The following HS6ST3 variants were observed in gnomAD, a reference collection of about 807,000 sequenced individuals.
HS6ST3 encodes the protein heparan-sulfate 6-O-sulfotransferase 3.
Under a neutral mutation model 36.7 loss-of-function variants are expected in HS6ST3, and 12 were observed. The observed-to-expected ratio is 0.33, with a 90% CI of 0.21 to 0.53. HS6ST3 has a LOEUF of 0.53. HS6ST3 is among the 20% of genes least tolerant of loss of function. The probability of loss-of-function intolerance (pLI) is 0.95; values close to 1 mark genes in which losing one functional copy is unlikely to be tolerated. For synonymous variants in HS6ST3, 240 were observed against 257.5 expected (o/e 0.93, Z 0.65); for missense variants, 584 against 640.9 (o/e 0.91, Z 0.96).
chr13:96,369,477 T>C (rs905484141), intron 1 of HS6ST3, among the ~76,000 whole-genome samples: 3 of 152,194 alleles, frequency 2.0e-5, no homozygotes, highest in Non-Finnish European at 4.4e-5. Flanking sequence ...TCCCACAATA[T>C]CACCATGTTT....
At chr13:96,151,231 C>T (rs556462407) in intron 1 of HS6ST3, among the ~76,000 whole-genome samples, 88 of 152,182 alleles carry the variant, frequency 5.8e-4, no homozygotes, top group South Asian at 1.2e-3. Flanking sequence ...TGGTGAAACC[C>T]CATCCCTACT....
At chr13:96,283,444 T>G (rs1421168133) in intron 1 of HS6ST3, among the ~76,000 whole-genome samples, 1 of 152,192 alleles carries the variant, frequency 6.6e-6, no homozygotes, top group Non-Finnish European at 1.5e-5. Context: ...GTATGTAACA[T>G]CATCCTAACA....
rs547202722 is a variant in HS6ST3 at position 96,796,049 on chromosome 13, A to G, written c.708-36441A>G. Among the ~76,000 whole-genome samples the G allele has an allele frequency of 2.0e-5, 3 of 152,256 alleles. No homozygotes were observed. In the East Asian group the frequency reaches 5.8e-4, roughly 29 times the overall value. On this transcript the variant is annotated intron_variant, in intron 1 of 1. Coordinates refer to ENST00000376705, the MANE Select transcript of HS6ST3 (RefSeq NM_153456.4). ...CATCATAGTCCTTGATGTCACCATT[A>G]GTATTGATAGAAGATCTGTTTCCAA...
intron 1 of HS6ST3, among the ~76,000 whole-genome samples, chr13:96,127,493 C>T (rs74665802): frequency 0.012 from 1,817 of 152,328 alleles, 40 homozygotes; most frequent in African/African-American, 0.041. Flanking sequence ...GCTCGCTTGC[C>T]TGCCACTCAC....
At chr13:96,675,034 G>T (rs2056694477) in intron 1 of HS6ST3, among the ~76,000 whole-genome samples, 1 of 152,082 alleles carries the variant, frequency 6.6e-6, no homozygotes, top group African/African-American at 2.4e-5. Context: ...TCCAGCTTTT[G>T]CTGTGCTGTG....
chr13:96,217,010 CTCTT>C (rs963377092), intron 1 of HS6ST3, among the ~76,000 whole-genome samples: 3 of 152,278 alleles, frequency 2.0e-5, no homozygotes, highest in Admixed American at 1.3e-4. Context: ...TGTCTTCTCT[CTCTT>C]TCTGTGTTCC....
At chr13:96,823,291 C>T (rs1878575433) in intron 1 of HS6ST3, among the ~76,000 whole-genome samples, 1 of 152,182 alleles carries the variant, frequency 6.6e-6, no homozygotes, top group Non-Finnish European at 1.5e-5. Context: ...ATATTCATGG[C>T]TTAGAATGTT....
chr13:96,784,376 T>C (rs906494928), intron 1 of HS6ST3, among the ~76,000 whole-genome samples: 6 of 152,150 alleles, frequency 3.9e-5, no homozygotes, highest in African/African-American at 1.4e-4. Flanking sequence ...TATTTTCATA[T>C]TTTTATTTTT....
At chr13:96,293,631 A>G (rs980584850) in intron 1 of HS6ST3, among the ~76,000 whole-genome samples, 1 of 152,130 alleles carries the variant, frequency 6.6e-6, no homozygotes, top group Non-Finnish European at 1.5e-5. Flanking sequence ...AGTATTTCAT[A>G]AGTATTACAT....
At chr13:96,185,881 G>C (rs1343543957) in intron 1 of HS6ST3, among the ~76,000 whole-genome samples, 1 of 152,110 alleles carries the variant, frequency 6.6e-6, no homozygotes, top group African/African-American at 2.4e-5. Flanking sequence ...TATTTGCAAT[G>C]GGAAACGTTT....
At chr13:96,695,357 T>TA (rs1452931484) in intron 1 of HS6ST3, among the ~76,000 whole-genome samples, 2 of 152,196 alleles carry the variant, frequency 1.3e-5, no homozygotes, top group Admixed American at 6.5e-5. Flanking sequence ...TCTCACATCT[T>TA]ACAGGTGGCC....
At chr13:96,525,964 A>G (rs534674897) in intron 1 of HS6ST3, among the ~76,000 whole-genome samples, 13 of 152,348 alleles carry the variant, frequency 8.5e-5, no homozygotes, top group Non-Finnish European at 8.8e-5. Flanking sequence ...CATTCCCAGG[A>G]CATTGTATAG....
At chr13:96,399,847 C>T (rs2139456573) in intron 1 of HS6ST3, among the ~76,000 whole-genome samples, 1 of 152,342 alleles carries the variant, frequency 6.6e-6, no homozygotes, top group South Asian at 2.1e-4. Flanking sequence ...TTAGTTGTCA[C>T]CAACTCATAA....
intron 1 of HS6ST3, among the ~76,000 whole-genome samples, chr13:96,217,075 T>G (rs2054430186): frequency 6.6e-6 from 1 of 152,114 alleles, no homozygotes; most frequent in African/African-American, 2.4e-5. Context: ...CCTTCTTCGA[T>G]CCAATGGCTT....
intron 1 of HS6ST3, among the ~76,000 whole-genome samples, chr13:96,321,749 C>T (rs564122227): frequency 1.2e-4 from 18 of 152,128 alleles, no homozygotes; most frequent in Non-Finnish European, 1.9e-4. Context: ...TGCCTCAGTC[C>T]GTGGCAGATT....
chr13:96,312,015 T>C (rs2139409548), intron 1 of HS6ST3, among the ~76,000 whole-genome samples: 1 of 152,064 alleles, frequency 6.6e-6, no homozygotes, highest in South Asian at 2.1e-4. Flanking sequence ...TATTTCTAAC[T>C]GATACAATGT....
At chr13:96,349,143 C>G (rs1355784709) in intron 1 of HS6ST3, among the ~76,000 whole-genome samples, 1 of 152,100 alleles carries the variant, frequency 6.6e-6, no homozygotes, top group African/African-American at 2.4e-5. Flanking sequence ...TAATTCTTTT[C>G]TGAATTGCAA....
chr13:96,401,793 C>T (rs896267347), intron 1 of HS6ST3, among the ~76,000 whole-genome samples: 10 of 152,092 alleles, frequency 6.6e-5, no homozygotes, highest in Admixed American at 3.3e-4. Context: ...AGGCTGGTCT[C>T]GAACTCCTGA....
intron 1 of HS6ST3, among the ~76,000 whole-genome samples, chr13:96,645,178 T>G (rs537680098): frequency 6.6e-6 from 1 of 152,040 alleles, no homozygotes; most frequent in South Asian, 2.1e-4. Context: ...AGAGAAGGAT[T>G]GCAAAGATAG....
Sources: allele counts gnomAD v4.1 joint callset (sites outside exome capture counted in the v4.1 genomes callset), GRCh38; gene constraint gnomAD v4.1.1; transcripts MANE v1.5; gene names NCBI Gene and HGNC (gene_info 2026-07-23, HGNC 2026-07-21).